SUFU: variants seen among roughly 807,000 people sequenced by gnomAD.
SUFU encodes the protein suppressor of fused homolog.
A neutral mutation model predicts 58.9 loss-of-function variants in SUFU; 7 were observed. That is an observed-to-expected ratio of 0.12 (90% confidence interval 0.07 to 0.22). SUFU has a LOEUF of 0.22. Among genes scored for constraint, SUFU ranks in the 10% least tolerant of loss-of-function variants. SUFU has a pLI of 1.00. For synonymous variants in SUFU, 232 were observed against 254.8 expected (o/e 0.91, Z 0.85); for missense variants, 451 against 641.3 (o/e 0.70, Z 3.20).
chr10:102,593,924 C>A lies in SUFU; in HGVS notation c.684-69C>A. Reference sequence around the variant, plus strand: ...CCTAGGCCTGGGGCAGCAAACAGGGCAGGCTGTAGGCCCAGCCCATCAGCC... The same window carrying A: ...CCTAGGCCTGGGGCAGCAAACAGGGAAGGCTGTAGGCCCAGCCCATCAGCC... On this transcript the variant is annotated intron_variant, in intron 5 of 11. Transcript: ENST00000369902. The A allele has an allele frequency of 4.5e-6, 7 of 1,565,980 alleles. No homozygotes were observed. The South Asian group carries it at 7.8e-5, about 17-fold the overall frequency.
chr10:102,620,883 A>G (rs1243231183), intron 10 of SUFU, among the ~76,000 whole-genome samples: 1 of 152,206 alleles, frequency 6.6e-6, no homozygotes, highest in Non-Finnish European at 1.5e-5. Context: ...CCCAGCGGTC[A>G]CATAGGGGTC....
At chr10:102,615,427 A>G (rs2063676008) in intron 9 of SUFU, 25 bp downstream of exon 9, 10 of 1,613,768 alleles carry the variant, frequency 6.2e-6, no homozygotes, top group Non-Finnish European at 8.5e-6. Flanking sequence ...CCTGCCACAC[A>G]GTTTACCCCA....
intron 8 of SUFU, among the ~76,000 whole-genome samples, chr10:102,612,379 G>T (rs2063636246): frequency 6.6e-6 from 1 of 152,082 alleles, no homozygotes; most frequent in Admixed American, 6.5e-5. Flanking sequence ...GTAAATGTGG[G>T]CACTTGTCAC....
At chr10:102,545,237 C>G (rs964673460) in intron 2 of SUFU, among the ~76,000 whole-genome samples, 4 of 151,804 alleles carry the variant, frequency 2.6e-5, no homozygotes, top group African/African-American at 9.7e-5. Flanking sequence ...CTCAGCACCC[C>G]CACCCTGGGT....
chr10:102,537,226 A>G (rs2062750930), intron 2 of SUFU, among the ~76,000 whole-genome samples: 2 of 145,812 alleles, frequency 1.4e-5, no homozygotes, highest in Non-Finnish European at 3.0e-5. Flanking sequence ...TGGACCTCCC[A>G]GACTCAGTGA....
At chr10:102,580,027 G>GC (rs1378925159) in intron 3 of SUFU, among the ~76,000 whole-genome samples, 419 of 41,880 alleles carry the variant, frequency 0.01, no homozygotes, top group African/African-American at 0.013. Context: ...CTCCTCCCCC[G>GC]CACCCCCCCC....
At chr10:102,511,935 T>G (rs1387874471) in intron 2 of SUFU, among the ~76,000 whole-genome samples, 1 of 152,210 alleles carries the variant, frequency 6.6e-6, no homozygotes, top group Non-Finnish European at 1.5e-5. Flanking sequence ...TGGTCTCAGA[T>G]GCCTGGGCTG....
intron 8 of SUFU, among the ~76,000 whole-genome samples, chr10:102,605,008 T>C (rs1052221313): frequency 6.8e-6 from 1 of 147,628 alleles, no homozygotes; most frequent in Non-Finnish European, 1.5e-5. Flanking sequence ...CTCGGCTTAC[T>C]GCAACCCCTG....
At chr10:102,586,444 C>A (rs540975873) in intron 3 of SUFU, among the ~76,000 whole-genome samples, 1 of 151,776 alleles carries the variant, frequency 6.6e-6, no homozygotes. Flanking sequence ...GAGGCCGAGG[C>A]GGGTGGATCA....
rs749486209 is a variant in SUFU, at chr10:102,541,587, C to T, written c.318-8383C>T. On this transcript the variant is annotated intron_variant, in intron 2 of 11. Coordinates refer to ENST00000369902, the MANE Select transcript of SUFU (RefSeq NM_016169.4). The stretch of plus-strand genomic sequence containing the variant: ...CAAATTTTTGTATTTTTAGTAGAGA[C>T]GAGGTTTCACCATGTTGGCCAGGCT... Among the ~76,000 whole-genome samples the T allele has an allele frequency of 4.7e-4, 71 of 150,862 alleles. 2 individuals are homozygous for T. Among genetic ancestry groups the T allele is most frequent in the Non-Finnish European group, 9.6e-4 (65 of 67,800 alleles).
Position 102,504,407 on chromosome 10 carries a change from T to A in SUFU, c.182+73T>A, listed in dbSNP as rs2062295986. ...TTAAAGCGCCGAGGGCGAAGTAATT[T>A]GTGGGAGGTGGGAGGAGGGGTAGAG... On this transcript the variant is annotated intron_variant, in intron 1 of 11. Transcript: ENST00000369902. 3 of 1,588,156 alleles carry A rather than the reference T, an allele frequency of 1.9e-6. No individual in the cohort carries two copies. The Admixed American group carries it at 5.4e-5, about 28-fold the overall frequency.
intron 3 of SUFU, among the ~76,000 whole-genome samples, chr10:102,581,244 ATTAG>A (rs2135831409): frequency 6.6e-6 from 1 of 150,460 alleles, no homozygotes; most frequent in Non-Finnish European, 1.5e-5. Context: ...GGTTTTAGAA[ATTAG>A]TATGGGCTTA....
At chr10:102,605,715 G>A (rs2063557134) in intron 8 of SUFU, among the ~76,000 whole-genome samples, 1 of 128,194 alleles carries the variant, frequency 7.8e-6, no homozygotes, top group African/African-American at 2.8e-5. Context: ...AGGGAGACCT[G>A]CAGGTGGTTC....
intron 8 of SUFU, among the ~76,000 whole-genome samples, chr10:102,611,053 A>G (rs2053173598): frequency 6.6e-6 from 1 of 152,216 alleles, no homozygotes; most frequent in Admixed American, 6.5e-5. Context: ...GTCACATACT[A>G]TGTTTATTGC....
intron 9 of SUFU, among the ~76,000 whole-genome samples, chr10:102,616,285 C>T (rs554510814): frequency 3.3e-5 from 5 of 152,230 alleles, no homozygotes; most frequent in Non-Finnish European, 5.9e-5. Flanking sequence ...AGCCCAGGGG[C>T]TCCACCCACA....
chr10:102,513,351 T>A (rs1236931155), intron 2 of SUFU, among the ~76,000 whole-genome samples: 1 of 152,216 alleles, frequency 6.6e-6, no homozygotes, highest in African/African-American at 2.4e-5. Flanking sequence ...TGGCAACAAT[T>A]CTTCCACTGT....
chr10:102,577,090 T>TC (rs2063220201), intron 3 of SUFU, among the ~76,000 whole-genome samples: 1 of 145,910 alleles, frequency 6.9e-6, no homozygotes, highest in African/African-American at 2.5e-5. Context: ...CTTTTCTTTT[T>TC]TTTTTTTTTT....
intron 2 of SUFU, among the ~76,000 whole-genome samples, chr10:102,512,669 T>C (rs1236203907): frequency 6.6e-6 from 1 of 152,234 alleles, no homozygotes; most frequent in Non-Finnish European, 1.5e-5. Context: ...ATGTCACCAA[T>C]CAAGCCTAGT....
chr10:102,507,528 A>G (rs1447576806), intron 1 of SUFU, among the ~76,000 whole-genome samples: 1 of 152,236 alleles, frequency 6.6e-6, no homozygotes, highest in Non-Finnish European at 1.5e-5. Context: ...GCAGACATGG[A>G]GAGTTGTCCC....
Sources: gnomAD v4.1 joint callset for allele counts (sites outside exome capture counted in the v4.1 genomes callset) on GRCh38, gnomAD v4.1.1 for gene constraint, MANE v1.5 for transcripts, NCBI Gene and HGNC (gene_info 2026-07-23, HGNC 2026-07-21) for gene names.